HYDIN: variants seen among roughly 807,000 people sequenced by gnomAD.
HYDIN encodes HYDIN axonemal central pair apparatus protein, also known as axonemal central pair apparatus protein HYDIN.
HYDIN carries 132 observed loss-of-function variants against 403.9 expected under a neutral mutation model. That is an observed-to-expected ratio of 0.33 (90% CI 0.28 to 0.38). The LOEUF (loss-of-function observed/expected upper bound fraction) is 0.38, where lower values mean the gene tolerates loss of function less well. Among genes scored for constraint, HYDIN ranks in the 10% least tolerant of loss-of-function variants. The pLI is 1.00. For synonymous variants in HYDIN, 1,202 were observed against 1,891.7 expected, an observed-to-expected ratio of 0.64 and a Z score of 9.46; for missense variants, 2,827 against 5,009.5, an observed-to-expected ratio of 0.56 and a Z score of 13.15.
At chr16:70,999,865 T>G (rs2079645666) in intron 23 of HYDIN, among the ~76,000 whole-genome samples, 1 of 152,200 alleles carries the variant, frequency 6.6e-6, no homozygotes, top group Non-Finnish European at 1.5e-5. Context: ...TGGAGAAATG[T>G]GCCCAGAATC....
At chr16:70,810,723 G>A (rs775477925) in intron 84 of HYDIN, among the ~76,000 whole-genome samples, 4 of 152,054 alleles carry the variant, frequency 2.6e-5, no homozygotes, top group Non-Finnish European at 5.9e-5. Flanking sequence ...CCAGCTACTC[G>A]GGAGGCTGAG....
intron 84 of HYDIN, among the ~76,000 whole-genome samples, chr16:70,817,722 A>C (rs951420291): frequency 6.6e-6 from 1 of 151,960 alleles, no homozygotes; most frequent in Non-Finnish European, 1.5e-5. Context: ...CACCTATTCT[A>C]TACTATTTTA....
At chr16:70,986,354 G>T (rs1314851071) in intron 27 of HYDIN, among the ~76,000 whole-genome samples, 2 of 151,874 alleles carry the variant, frequency 1.3e-5, no homozygotes, top group African/African-American at 2.4e-5. Context: ...AAAAGCTAGG[G>T]TGAGGTCTGA....
At chr16:71,017,210 C>T (rs373627411) in intron 23 of HYDIN, among the ~76,000 whole-genome samples, 6 of 150,894 alleles carry the variant, frequency 4.0e-5, no homozygotes, top group Admixed American at 2.0e-4. Context: ...AATTGCCAGG[C>T]GTGGTGGCAG....
chr16:70,845,909 G>C (rs1325345067), intron 75 of HYDIN, among the ~76,000 whole-genome samples: 1 of 148,634 alleles, frequency 6.7e-6, no homozygotes, highest in East Asian at 1.9e-4. Context: ...ATTTTTGATT[G>C]TGTCTATTTG....
At chr16:71,136,907 T>C (rs3114631) in intron 8 of HYDIN, among the ~76,000 whole-genome samples, 37,020 of 131,616 alleles carry the variant, frequency 0.28, 6,444 homozygotes, top group Non-Finnish European at 0.4. Context: ...AGGCATTCCA[T>C]TACTGCTAAA....
intron 52 of HYDIN, among the ~76,000 whole-genome samples, chr16:70,902,321 CT>C (rs1395425365): frequency 1.5e-5 from 2 of 133,638 alleles, no homozygotes; most frequent in Non-Finnish European, 3.2e-5. Flanking sequence ...TATAAAAAAC[CT>C]GAAACATCCA....
chr16:70,819,661 TA>T (rs1483213813), intron 83 of HYDIN, among the ~76,000 whole-genome samples: 30 of 147,808 alleles, frequency 2.0e-4, no homozygotes, highest in Non-Finnish European at 4.2e-4. Context: ...GTCATTCACA[TA>T]GCTGCTTTTA....
At chr16:70,929,017 C>T (rs550706654) in intron 45 of HYDIN, among the ~76,000 whole-genome samples, 6 of 151,952 alleles carry the variant, frequency 3.9e-5, no homozygotes, top group Non-Finnish European at 5.9e-5. Flanking sequence ...TTGTTGGGCG[C>T]GGTGGCTCAC....
chr16:70,919,663 C>T (rs2076938259), intron 46 of HYDIN, among the ~76,000 whole-genome samples: 1 of 152,034 alleles, frequency 6.6e-6, no homozygotes, highest in African/African-American at 2.4e-5. Flanking sequence ...GCCTGACCAA[C>T]ATGGTGAAAC....
intron 85 of HYDIN, 132 bp downstream of exon 85, chr16:70,809,651 G>T: frequency 1.4e-6 from 1 of 725,296 alleles, no homozygotes; most frequent in Non-Finnish European, 2.4e-6. Flanking sequence ...CTCTGAGGCA[G>T]GTGTCACCAT....
chr16:70,966,149 C>G (rs1018198349), intron 36 of HYDIN, among the ~76,000 whole-genome samples: 9 of 152,028 alleles, frequency 5.9e-5, no homozygotes, highest in Non-Finnish European at 1.3e-4. Flanking sequence ...CCATTGCCAT[C>G]TCATCACAGT....
intron 18 of HYDIN, among the ~76,000 whole-genome samples, chr16:71,043,618 A>T (rs1215285469): frequency 6.6e-6 from 1 of 151,816 alleles, no homozygotes; most frequent in Non-Finnish European, 1.5e-5. Context: ...GCTCTTGTTC[A>T]TGGATACAAA....
At chr16:71,188,357 C>G (rs1057357709) in intron 1 of HYDIN, among the ~76,000 whole-genome samples, 8 of 152,108 alleles carry the variant, frequency 5.3e-5, no homozygotes, top group Non-Finnish European at 1.2e-4. Context: ...CTTTTCATAT[C>G]TTCTAGGCGC....
chr16:70,835,013 C>A (rs2037318359), intron 78 of HYDIN, among the ~76,000 whole-genome samples: 1 of 142,410 alleles, frequency 7.0e-6, no homozygotes, highest in Non-Finnish European at 1.5e-5. Context: ...TATATACACA[C>A]ACATATATAT....
rs2035104351 is a variant in HYDIN, at chr16:70,806,309, T to A, written c.*1271A>T. 6.6e-6 allele frequency among the ~76,000 whole-genome samples: 1 copy of A among 152,148 alleles called. No individual in the cohort carries two copies. The highest frequency in any genetic ancestry group is 2.4e-5 in the African/African-American group (1 of 41,426). On this transcript the variant is annotated 3_prime_UTR_variant, in exon 86 of 86. Transcript: ENST00000393567. ...CACCTTGGAATGTATCCCCTGAGGA[T>A]GAGGGAGGACTATTGTAAAGGTCTG...
intron 1 of HYDIN, among the ~76,000 whole-genome samples, chr16:71,222,627 A>G (rs1444767280): frequency 2.6e-5 from 4 of 152,224 alleles, no homozygotes; most frequent in African/African-American, 7.2e-5. Flanking sequence ...GAACGAATTC[A>G]GTAAAGTCTG....
intron 5 of HYDIN, among the ~76,000 whole-genome samples, chr16:71,171,874 C>T (rs922833952): frequency 6.6e-5 from 10 of 152,180 alleles, no homozygotes; most frequent in African/African-American, 2.4e-4. Context: ...TTACTTATCT[C>T]ACTCCACAAA....
intron 1 of HYDIN, among the ~76,000 whole-genome samples, chr16:71,225,376 C>T (rs762908227): frequency 1.3e-5 from 2 of 152,178 alleles, no homozygotes; most frequent in African/African-American, 4.8e-5. Context: ...AACTCTCATA[C>T]CCTGACCCCC....
Sources: allele counts gnomAD v4.1 joint callset (sites outside exome capture counted in the v4.1 genomes callset), GRCh38; gene constraint gnomAD v4.1.1; transcripts MANE v1.5; gene names NCBI Gene and HGNC (gene_info 2026-07-23, HGNC 2026-07-21).